Variants in CAMKMT observed in about 807,000 individuals in gnomAD.
The protein encoded by CAMKMT is calmodulin-lysine N-methyltransferase.
CAMKMT carries 53 observed loss-of-function variants against 48.0 expected under a neutral mutation model. The ratio of observed to expected loss-of-function variants is 1.10; its 90% CI spans 0.89 to 1.39. The LOEUF is 1.39. CAMKMT is among the 40% of genes most tolerant of loss of function. The pLI is 0.00. For missense variants in CAMKMT, 428 were observed against 402.7 expected, an observed-to-expected ratio of 1.06 and a Z score of -0.54; for synonymous variants, 165 against 152.3, an observed-to-expected ratio of 1.08 and a Z score of -0.61.
intron 7 of CAMKMT, among the ~76,000 whole-genome samples, chr2:44,730,438 T>C (rs1328391916): frequency 6.6e-6 from 1 of 152,234 alleles, no homozygotes; most frequent in African/African-American, 2.4e-5. Flanking sequence ...TATGTTCCTT[T>C]TGACGATTAT....
chr2:44,368,722 T>G (rs2104345553), intron 1 of CAMKMT, among the ~76,000 whole-genome samples: 1 of 152,350 alleles, frequency 6.6e-6, no homozygotes, highest in South Asian at 2.1e-4. Flanking sequence ...GTTTGGAGTT[T>G]AATTGGGCAA....
intron 2 of CAMKMT, among the ~76,000 whole-genome samples, chr2:44,389,028 A>G (rs1681054571): frequency 6.6e-6 from 1 of 152,146 alleles, no homozygotes; most frequent in South Asian, 2.1e-4. Flanking sequence ...CAACTGTAGT[A>G]ATACGGAGAG....
intron 3 of CAMKMT, among the ~76,000 whole-genome samples, chr2:44,420,225 C>T (rs1444196677): frequency 6.6e-6 from 1 of 152,100 alleles, no homozygotes; most frequent in Non-Finnish European, 1.5e-5. Context: ...ACATGTTAAT[C>T]TGTGTATAAT....
chr2:44,704,257 A>G, intron 3 of CAMKMT, 26 bp from the exon 4 acceptor site: 1 of 1,590,286 alleles, frequency 6.3e-7, no homozygotes, highest in Non-Finnish European at 8.6e-7. Context: ...CTATAATCAA[A>G]AGGTTTATCC....
chr2:44,448,456 C>A (rs560084726), intron 3 of CAMKMT, among the ~76,000 whole-genome samples: 6 of 152,186 alleles, frequency 3.9e-5, no homozygotes, highest in Admixed American at 1.3e-4. Context: ...GGCTGTACAC[C>A]CAGGTATAAG....
chr2:44,371,268 G>T (rs921855812), intron 1 of CAMKMT, among the ~76,000 whole-genome samples: 19 of 152,142 alleles, frequency 1.2e-4, no homozygotes, highest in African/African-American at 4.3e-4. Flanking sequence ...TTACAGGCGT[G>T]AGCCACTGTG....
At chr2:44,366,854 T>C (rs1372722951) in intron 1 of CAMKMT, among the ~76,000 whole-genome samples, 1 of 152,220 alleles carries the variant, frequency 6.6e-6, no homozygotes, top group South Asian at 2.1e-4. Flanking sequence ...TCTGAGTAGC[T>C]GGGACTACAG....
At chr2:44,607,792 C>T (rs926955762) in intron 3 of CAMKMT, among the ~76,000 whole-genome samples, 6 of 151,858 alleles carry the variant, frequency 4.0e-5, no homozygotes, top group East Asian at 1.9e-4. Flanking sequence ...TACTTTTTTC[C>T]AAGTTATAGT....
intron 3 of CAMKMT, among the ~76,000 whole-genome samples, chr2:44,433,422 C>G (rs1005858629): frequency 9.9e-5 from 15 of 151,572 alleles, no homozygotes; most frequent in African/African-American, 3.6e-4. Context: ...TCCAAGTTGT[C>G]AATGATATAA....
chr2:44,619,354 G>A (rs1032383121), intron 3 of CAMKMT, among the ~76,000 whole-genome samples: 5 of 151,910 alleles, frequency 3.3e-5, no homozygotes, highest in Non-Finnish European at 5.9e-5. Context: ...AAAGTTTTTG[G>A]TATTTAGTAG....
Position 44,621,167 on chromosome 2 carries a change from C to T in CAMKMT, c.377-83116C>T, listed in dbSNP as rs548539335. ...CTTGTAGTCCCAGCTATTTGGGAGG[C>T]TGAGGCAGGAGAATGGCGCCAACCC... On this transcript the variant is annotated intron_variant, in intron 3 of 10. Coordinates refer to ENST00000378494, the MANE Select transcript of CAMKMT (RefSeq NM_024766.5). Among the ~76,000 whole-genome samples the T allele has an allele frequency of 2.8e-3, 411 of 148,808 alleles. 3 individuals are homozygous for T. Among genetic ancestry groups the T allele is most frequent in the African/African-American group, 9.9e-3 (399 of 40,304 alleles).
In CAMKMT at chr2:44,578,133, CGGG is replaced by C. The variant is rs1669338685; in HGVS notation, c.377-126149_377-126147del. Among the ~76,000 whole-genome samples the C allele has an allele frequency of 3.3e-5, 5 of 152,036 alleles. No individual in the cohort carries two copies. In the South Asian group the frequency reaches 1.0e-3, roughly 31 times the overall value. ...TGAAGGGCCCACATGAGAGCTCAGG[CGGG>C]TTGGAGGTGATCTCTCATTACCTAC... On this transcript the variant is annotated intron_variant, in intron 3 of 10. Transcript: ENST00000378494.
chr2:44,576,451 G>A (rs1383506801), intron 3 of CAMKMT, among the ~76,000 whole-genome samples: 1 of 152,126 alleles, frequency 6.6e-6, no homozygotes, highest in Non-Finnish European at 1.5e-5. Flanking sequence ...ATAGTGTTCA[G>A]TAGCCTCAAT....
intron 3 of CAMKMT, among the ~76,000 whole-genome samples, chr2:44,472,627 AG>A (rs1668481780): frequency 6.6e-6 from 1 of 152,206 alleles, no homozygotes; most frequent in African/African-American, 2.4e-5. Flanking sequence ...GATACAAAAA[AG>A]TAAGACTTGG....
chr2:44,385,936 T>G (rs1680741488), intron 2 of CAMKMT, among the ~76,000 whole-genome samples: 1 of 152,162 alleles, frequency 6.6e-6, no homozygotes, highest in African/African-American at 2.4e-5. Flanking sequence ...TGTAGTTTTC[T>G]TTTTTGGTTA....
intron 3 of CAMKMT, among the ~76,000 whole-genome samples, chr2:44,458,757 G>C (rs1002297272): frequency 3.3e-5 from 5 of 152,108 alleles, no homozygotes; most frequent in African/African-American, 1.2e-4. Flanking sequence ...ATCGATAAAA[G>C]GCGATTACAA....
At chr2:44,390,084 C>G (rs1234544109) in intron 2 of CAMKMT, among the ~76,000 whole-genome samples, 157 bp from the exon 3 acceptor site, 1 of 152,178 alleles carries the variant, frequency 6.6e-6, no homozygotes, top group African/African-American at 2.4e-5. Context: ...TTCTTTCCTT[C>G]TCCCTCTAGT....
At position 44,707,382 on chromosome 2, in the gene CAMKMT, T is replaced by C; in HGVS notation, c.493-17T>C. 1.9e-6 allele frequency: 3 copies of C among 1,609,954 alleles called. No individual in the cohort carries two copies. The South Asian group carries it at 3.3e-5, about 18-fold the overall frequency. ...CATATTTGCTCATTGTTTGCTGTGC[T>C]CCCTTTTTTTTTTCAGGTTGCTATT... On this transcript the variant is annotated splice_polypyrimidine_tract_variant and intron_variant, in intron 5 of 10. Transcript: ENST00000378494.
chr2:44,488,096 G>A (rs1669296655), intron 3 of CAMKMT, among the ~76,000 whole-genome samples: 1 of 152,250 alleles, frequency 6.6e-6, no homozygotes, highest in African/African-American at 2.4e-5. Flanking sequence ...ACGGCATGAA[G>A]TATGTGTCTC....
Sources: gnomAD v4.1 joint callset for allele counts (sites outside exome capture counted in the v4.1 genomes callset) on GRCh38, gnomAD v4.1.1 for gene constraint, MANE v1.5 for transcripts, NCBI Gene and HGNC (gene_info 2026-07-23, HGNC 2026-07-21) for gene names.